CACHD1: variants seen among roughly 807,000 people sequenced by gnomAD.
The protein encoded by CACHD1 is VWFA and cache domain-containing protein 1.
CACHD1 carries 71 observed loss-of-function variants against 138.7 expected under a neutral mutation model. That is an observed-to-expected ratio of 0.51 (90% CI 0.42 to 0.62). The LOEUF (loss-of-function observed/expected upper bound fraction) is 0.62, where lower values mean the gene tolerates loss of function less well. Ranked by LOEUF, CACHD1 falls within the 20% of genes least tolerant of loss-of-function variation. CACHD1 has a pLI of 0.00. For missense variants in CACHD1, 1,389 were observed against 1,625.3 expected, an observed-to-expected ratio of 0.85 and a Z score of 2.50; for synonymous variants, 578 against 591.5, an observed-to-expected ratio of 0.98 and a Z score of 0.33.
rs115663075 is a variant in CACHD1, at chr1:64,689,345, C to G, written c.3587-1978C>G. Among the ~76,000 whole-genome samples, 1,271 of 152,278 alleles carry G rather than the reference C, an allele frequency of 8.3e-3. 27 individuals carry two copies. Among genetic ancestry groups the G allele is most frequent in the African/African-American group, 0.029 (1,195 of 41,544 alleles). Reference sequence around the variant, plus strand: ...GAGTTGTCCTTTCTTATCCTTATAACTTGAAGTTGTAGTCACCTTTCACTA... The same window carrying G: ...GAGTTGTCCTTTCTTATCCTTATAAGTTGAAGTTGTAGTCACCTTTCACTA... On this transcript the variant is annotated intron_variant, in intron 26 of 26. Coordinates refer to ENST00000651257, the MANE Select transcript of CACHD1 (RefSeq NM_020925.4).
intron 16 of CACHD1, among the ~76,000 whole-genome samples, chr1:64,668,667 G>A (rs1649719404): frequency 6.6e-6 from 1 of 152,236 alleles, no homozygotes; most frequent in South Asian, 2.1e-4. Flanking sequence ...CTCAGTGAGT[G>A]TATATTCCCC....
chr1:64,529,827 C>T (rs1217467567), intron 1 of CACHD1, among the ~76,000 whole-genome samples: 4 of 152,178 alleles, frequency 2.6e-5, no homozygotes, highest in Non-Finnish European at 5.9e-5. Flanking sequence ...CAGATCAGAT[C>T]AATTCATTCC....
chr1:64,567,548 G>A (rs529172931), intron 2 of CACHD1, among the ~76,000 whole-genome samples: 8 of 152,100 alleles, frequency 5.3e-5, no homozygotes, highest in African/African-American at 1.7e-4. Context: ...ACAGTTCTTC[G>A]CCTCATTTTG....
At chr1:64,628,133 A>T (rs1468068079) in intron 4 of CACHD1, among the ~76,000 whole-genome samples, 1 of 152,236 alleles carries the variant, frequency 6.6e-6, no homozygotes, top group African/African-American at 2.4e-5. Context: ...AGAGGTGAAG[A>T]TCCATCATCA....
chr1:64,521,053 C>G (rs186762070), intron 1 of CACHD1, among the ~76,000 whole-genome samples: 2 of 152,330 alleles, frequency 1.3e-5, no homozygotes, highest in Admixed American at 1.3e-4. Flanking sequence ...GGGTAGAACT[C>G]TGGGCTAGGT....
In CACHD1 at chr1:64,671,682, A is replaced by G. The variant is rs1461826947; in HGVS notation, c.2506A>G (p.Ile836Val). ...PVCNQDGGNK[I>V]RCFIMEDRGY... Reference sequence around the variant, plus strand: ...CTGTAACCAAGATGGTGGCAACAAAATAAGGTAAGTGCTTTGGGGATGCTA... The same window carrying G: ...CTGTAACCAAGATGGTGGCAACAAAGTAAGGTAAGTGCTTTGGGGATGCTA... Residue 836 changes from isoleucine (I) to valine (V), a missense_variant, in exon 17 of 27, where the codon ATA becomes GTA. This residue lies in a region of CACHD1 where 1,000 missense variants were observed against 1,114.7 expected (regional missense o/e 0.90). Coordinates refer to ENST00000651257, the MANE Select transcript of CACHD1 (RefSeq NM_020925.4). 3.7e-6 allele frequency: 6 copies of G among 1,613,948 alleles called. No homozygotes were observed. The highest frequency in any genetic ancestry group is 1.7e-5 in the Admixed American group (1 of 59,996).
Position 64,570,484 on chromosome 1 carries a change from C to T in CACHD1, c.262-11672C>T, listed in dbSNP as rs373262257. Reference sequence around the variant, plus strand: ...TGTCACTGTCACATCCGCTGACATGCATGTCAGGCCTACCATGGCACCAGC... The same window carrying T: ...TGTCACTGTCACATCCGCTGACATGTATGTCAGGCCTACCATGGCACCAGC... On this transcript the variant is annotated intron_variant, in intron 2 of 26. Transcript: ENST00000651257. Among the ~76,000 whole-genome samples the T allele has an allele frequency of 4.1e-3, 625 of 152,242 alleles. 12 individuals are homozygous for T. Among genetic ancestry groups the T allele is most frequent in the African/African-American group, 0.014 (599 of 41,552 alleles).
In CACHD1 at chr1:64,673,199, C is replaced by A. The variant is rs1382144707; in HGVS notation, c.2552C>A (p.Pro851Gln). The change falls in exon 18 of 27, where the codon CCG (proline) becomes CAG (glutamine). Residue 851 changes from proline to glutamine, a missense_variant. Pro to Gln is a moderately conservative substitution (Grantham distance 76). Coordinates refer to ENST00000651257, the MANE Select transcript of CACHD1 (RefSeq NM_020925.4). ...MEDRGYLVAHPTLIDPKGHAP... is the reference protein window; with the variant it reads ...MEDRGYLVAHQTLIDPKGHAP... ...GACAGGGGTTATCTGGTGGCGCACCCGACTCTCATCGACCCCAAAGGACAT... is the reference window on the plus strand; with the variant it reads ...GACAGGGGTTATCTGGTGGCGCACCAGACTCTCATCGACCCCAAAGGACAT... 3 of 1,613,872 alleles carry A rather than the reference C, an allele frequency of 1.9e-6. No homozygotes were observed. The highest frequency in any genetic ancestry group is 2.5e-6 in the Non-Finnish European group (3 of 1,179,976).
At chr1:64,552,838 A>G (rs1557489650) in intron 2 of CACHD1, among the ~76,000 whole-genome samples, 2 of 152,244 alleles carry the variant, frequency 1.3e-5, no homozygotes, top group African/African-American at 4.8e-5. Context: ...TTCATCAGAT[A>G]CAGGAGTCTC....
intron 1 of CACHD1, among the ~76,000 whole-genome samples, chr1:64,542,339 C>G (rs1037900202): frequency 6.6e-6 from 1 of 152,190 alleles, no homozygotes; most frequent in Admixed American, 6.5e-5. Flanking sequence ...CCAAAGTAAG[C>G]CTCTTCCTTT....
chr1:64,599,501 A>G (rs1570404373), intron 3 of CACHD1, among the ~76,000 whole-genome samples: 1 of 152,208 alleles, frequency 6.6e-6, no homozygotes, highest in African/African-American at 2.4e-5. Context: ...TTGGGGTCGA[A>G]CAGAAGAGCA....
chr1:64,555,772 T>C (rs1398016685), intron 2 of CACHD1, among the ~76,000 whole-genome samples: 1 of 152,228 alleles, frequency 6.6e-6, no homozygotes, highest in African/African-American at 2.4e-5. Flanking sequence ...GGATGTGAAG[T>C]AGGTATCCAA....
At chr1:64,691,277 G>C in intron 26 of CACHD1, 46 bp from the exon 27 acceptor site, 1 of 1,566,322 alleles carries the variant, frequency 6.4e-7, no homozygotes, top group Non-Finnish European at 8.8e-7. Flanking sequence ...TCTTCTGTCT[G>C]CGTCTTGAAG....
At chr1:64,548,937 A>T (rs1328074379) in intron 1 of CACHD1, among the ~76,000 whole-genome samples, 2 of 152,198 alleles carry the variant, frequency 1.3e-5, no homozygotes, top group Non-Finnish European at 2.9e-5. Flanking sequence ...CAGGTAGCAA[A>T]TTCTTATAAG....
chr1:64,663,594 C>G lies in CACHD1; in HGVS notation c.1952-101C>G, dbSNP rs1053867255. ...AAAAAGGAAAAAAAAAGACATTAAGCCACCATAGCTGACAGATTGGCAGAG... is the reference window on the plus strand; with the variant it reads ...AAAAAGGAAAAAAAAAGACATTAAGGCACCATAGCTGACAGATTGGCAGAG... On this transcript the variant is annotated intron_variant, in intron 13 of 26. Transcript: ENST00000651257. 10 of 1,359,886 alleles carry G rather than the reference C, an allele frequency of 7.4e-6. No homozygotes were observed. The Admixed American group carries it at 2.0e-4, about 27-fold the overall frequency. 84.2% of individuals were successfully genotyped at this position (1,359,886 alleles called of 1,614,324 possible).
At chr1:64,471,440 C>T (rs1243407833) in intron 1 of CACHD1, among the ~76,000 whole-genome samples, 2 of 152,206 alleles carry the variant, frequency 1.3e-5, no homozygotes, top group Non-Finnish European at 2.9e-5. Flanking sequence ...CCTACCGAGG[C>T]GCACCAATGG....
intron 3 of CACHD1, among the ~76,000 whole-genome samples, chr1:64,601,693 A>G (rs1251293627): frequency 6.6e-6 from 1 of 152,366 alleles, no homozygotes; most frequent in Non-Finnish European, 1.5e-5. Context: ...TGATCAACAG[A>G]TAATTAAAGT....
chr1:64,503,202 A>C (rs1274866069), intron 1 of CACHD1, among the ~76,000 whole-genome samples: 1 of 152,142 alleles, frequency 6.6e-6, no homozygotes, highest in African/African-American at 2.4e-5. Flanking sequence ...TGATAGTGGG[A>C]GTTTTTTAAT....
chr1:64,593,935 C>T (rs1211034613), intron 3 of CACHD1, among the ~76,000 whole-genome samples: 4 of 152,094 alleles, frequency 2.6e-5, no homozygotes, highest in African/African-American at 9.7e-5. Flanking sequence ...ACTGTCTCTG[C>T]CCACCTCCCT....
Sources: gnomAD v4.1 joint callset for allele counts (sites outside exome capture counted in the v4.1 genomes callset) on GRCh38, gnomAD v4.1.1 for gene constraint, gnomAD v4.1.1 regional missense constraint, MANE v1.5 for transcripts, NCBI Gene and HGNC (gene_info 2026-07-23, HGNC 2026-07-21) for gene names.